The following BCAS4 variants were observed in gnomAD, a reference collection of about 807,000 sequenced individuals.
BCAS4 encodes the protein breast carcinoma-amplified sequence 4.
BCAS4 carries 9 observed loss-of-function variants against 15.7 expected under a neutral mutation model. That is an observed-to-expected ratio of 0.57 (90% CI 0.34 to 1.00). BCAS4 has a LOEUF of 1.00. BCAS4 is among the 50% of genes least tolerant of loss of function. The pLI is 0.02. For synonymous variants in BCAS4, 101 were observed against 99.5 expected (o/e 1.02, Z -0.09); for missense variants, 225 against 239.1 (o/e 0.94, Z 0.39).
intron 2 of BCAS4, among the ~76,000 whole-genome samples, chr20:50,821,296 G>A (rs1021960292): frequency 3.3e-5 from 5 of 152,266 alleles, no homozygotes; most frequent in Non-Finnish European, 7.3e-5. Flanking sequence ...CCATGTGTCT[G>A]TGTTGACAGA....
At chr20:50,796,452 CATAT>C (rs1245993218) in intron 1 of BCAS4, among the ~76,000 whole-genome samples, 343 of 21,136 alleles carry the variant, frequency 0.016, 11 homozygotes, top group Middle Eastern at 0.12. Context: ...TCTTTTTCTC[CATAT>C]ATATATATAT....
chr20:50,846,086 T>C (rs2088540148), intron 4 of BCAS4, among the ~76,000 whole-genome samples: 1 of 152,266 alleles, frequency 6.6e-6, no homozygotes, highest in Non-Finnish European at 1.5e-5. Flanking sequence ...GGAGCCAGCC[T>C]GTGCCCCAGG....
chr20:50,863,900 C>T (rs1358201458), intron 4 of BCAS4, among the ~76,000 whole-genome samples: 1 of 94,438 alleles, frequency 1.1e-5, no homozygotes, highest in Non-Finnish European at 1.9e-5. Context: ...CTGCTCTGTC[C>T]TGCAAGTGGG....
chr20:50,795,041 G>T (rs1291492639), upstream of BCAS4: 3 of 1,444,590 alleles, frequency 2.1e-6, no homozygotes, highest in East Asian at 3.0e-5. Context: ...GCAACCACGG[G>T]CTCCCAGGCA....
intron 1 of BCAS4, among the ~76,000 whole-genome samples, chr20:50,812,017 T>C (rs1285445172): frequency 6.6e-6 from 1 of 152,262 alleles, no homozygotes; most frequent in Admixed American, 6.5e-5. Flanking sequence ...ATCCATGTTG[T>C]AGTGTGTGCT....
chr20:50,825,086 G>T (rs1321661775), intron 2 of BCAS4, among the ~76,000 whole-genome samples: 3 of 152,014 alleles, frequency 2.0e-5, no homozygotes, highest in Non-Finnish European at 2.9e-5. Flanking sequence ...CTGAGCCTCG[G>T]TTTTATCTCC....
At chr20:50,841,680 G>A in intron 3 of BCAS4, 86 bp from the exon 4 acceptor site, 1 of 1,583,342 alleles carries the variant, frequency 6.3e-7, no homozygotes, top group Middle Eastern at 1.7e-4. Context: ...TGAAAGGCCT[G>A]GAGTCCCCAC....
chr20:50,811,323 C>T (rs2123762430), intron 1 of BCAS4, among the ~76,000 whole-genome samples: 2 of 152,224 alleles, frequency 1.3e-5, no homozygotes, highest in South Asian at 4.1e-4. Flanking sequence ...TATGGTCCCA[C>T]CACTGCACTC....
chr20:50,876,804 A>G lies in BCAS4; in HGVS notation c.*196A>G. ...AGTGATCCACCCACCTTGGCCTTCC[A>G]AAGTGGTGGGATTATGGGCAGGAGC... On this transcript the variant is annotated 3_prime_UTR_variant, in exon 5 of 5. Coordinates refer to ENST00000371608, the MANE Select transcript of BCAS4 (RefSeq NM_198799.4). 1 of 631,654 alleles carries G rather than the reference A, an allele frequency of 1.6e-6. No homozygotes were observed. The highest frequency in any genetic ancestry group is 2.3e-6 in the Non-Finnish European group (1 of 442,822). The allele number at this position is 631,654 out of a possible 1,614,324, so 39.1% of individuals were successfully genotyped here. A position where few individuals can be genotyped will look rare whatever the true frequency, so the allele number is the denominator to read the frequency against.
At chr20:50,865,041 C>T (rs1047255539) in intron 4 of BCAS4, among the ~76,000 whole-genome samples, 28 of 152,076 alleles carry the variant, frequency 1.8e-4, no homozygotes, top group Admixed American at 1.7e-3. Context: ...TGCAGTGAGC[C>T]GAGATCGCAC....
intron 3 of BCAS4, among the ~76,000 whole-genome samples, chr20:50,831,033 A>G (rs1217451382): frequency 6.6e-6 from 1 of 152,140 alleles, no homozygotes; most frequent in Non-Finnish European, 1.5e-5. Context: ...TAAGTATGTA[A>G]TTTAGTGAAT....
intron 3 of BCAS4, among the ~76,000 whole-genome samples, chr20:50,836,148 C>T (rs1029534015): frequency 1.3e-5 from 2 of 152,168 alleles, no homozygotes; most frequent in African/African-American, 2.4e-5. Flanking sequence ...GAACTCCTGA[C>T]CTCGTGATCT....
chr20:50,845,510 G>A (rs1024888770), intron 4 of BCAS4, among the ~76,000 whole-genome samples: 6 of 152,120 alleles, frequency 3.9e-5, no homozygotes, highest in African/African-American at 1.4e-4. Context: ...CCCTTCTCCC[G>A]GGGCCTGTTC....
At chr20:50,828,672 G>A (rs1196566590) in intron 2 of BCAS4, among the ~76,000 whole-genome samples, 5 of 152,068 alleles carry the variant, frequency 3.3e-5, no homozygotes, top group East Asian at 1.9e-4. Context: ...CCAGCTACTC[G>A]GGAGGCTGAG....
chr20:50,867,651 C>T (rs553628765), intron 4 of BCAS4, among the ~76,000 whole-genome samples: 4 of 152,306 alleles, frequency 2.6e-5, no homozygotes, highest in Non-Finnish European at 4.4e-5. Flanking sequence ...TGGTGGCTCA[C>T]TCCTGTAACC....
chr20:50,855,508 G>C (rs556161073), intron 4 of BCAS4, among the ~76,000 whole-genome samples: 1 of 151,422 alleles, frequency 6.6e-6, no homozygotes, highest in African/African-American at 2.4e-5. Flanking sequence ...ATCCCCCTTC[G>C]TGCCCCACCT....
intron 4 of BCAS4, among the ~76,000 whole-genome samples, chr20:50,864,329 A>C (rs1029680227): frequency 5.9e-5 from 9 of 152,024 alleles, no homozygotes; most frequent in African/African-American, 1.7e-4. Context: ...CTTAGTTTCC[A>C]TGGCTATAAA....
chr20:50,797,701 T>C (rs1486489112), intron 1 of BCAS4, among the ~76,000 whole-genome samples: 1 of 152,148 alleles, frequency 6.6e-6, no homozygotes, highest in East Asian at 1.9e-4. Flanking sequence ...GTTTCACTCT[T>C]GTTGCCCAGG....
At chr20:50,832,209 C>A (rs2088351633) in intron 3 of BCAS4, among the ~76,000 whole-genome samples, 1 of 151,866 alleles carries the variant, frequency 6.6e-6, no homozygotes, top group Non-Finnish European at 1.5e-5. Flanking sequence ...TCTGAGCCTA[C>A]CCTGGCTCAG....
Sources: gnomAD v4.1 joint callset for allele counts (sites outside exome capture counted in the v4.1 genomes callset) on GRCh38, gnomAD v4.1.1 for gene constraint, MANE v1.5 for transcripts, NCBI Gene and HGNC (gene_info 2026-07-23, HGNC 2026-07-21) for gene names.